ARHGAP44: variants seen among roughly 807,000 people sequenced by gnomAD.
ARHGAP44 encodes Rho GTPase activating protein 44.
A neutral mutation model predicts 106.8 loss-of-function variants in ARHGAP44; 43 were observed. The observed-to-expected ratio is 0.40, with a 90% CI of 0.32 to 0.52. The LOEUF (loss-of-function observed/expected upper bound fraction) is 0.52. ARHGAP44 is among the 20% of genes least tolerant of loss of function. The pLI is 0.48. For synonymous variants in ARHGAP44, 439 were observed against 410.3 expected (o/e 1.07, Z -0.85); for missense variants, 866 against 1,050.5 (o/e 0.82, Z 2.43).
chr17:12,937,400 G>T (rs539653454), intron 7 of ARHGAP44, among the ~76,000 whole-genome samples: 2 of 152,258 alleles, frequency 1.3e-5, no homozygotes, highest in East Asian at 3.9e-4. Flanking sequence ...GGTAAAAGTG[G>T]GTCCCCCTGG....
rs57189122 is a variant in ARHGAP44 at position 12,990,603 on chromosome 17, T to C, written c.*432T>C. ...GTCAGGTCTTGCAGGATCAGTTTAA[T>C]GGCCACAGAAAGGAAGCAGGACAGC... On this transcript the variant is annotated 3_prime_UTR_variant, in exon 21 of 21. Transcript: ENST00000379672. 591 of 163,248 alleles carry C rather than the reference T, an allele frequency of 3.6e-3. 5 individuals are homozygous for C. Among genetic ancestry groups the C allele is most frequent in the African/African-American group, 0.013 (566 of 42,266 alleles). The allele number at this position is 163,248 out of a possible 1,614,324, so 10.1% of individuals were successfully genotyped here.
chr17:12,877,715 A>G (rs1597985117), intron 1 of ARHGAP44, among the ~76,000 whole-genome samples: 1 of 151,896 alleles, frequency 6.6e-6, no homozygotes, highest in Non-Finnish European at 1.5e-5. Flanking sequence ...GCGCCACTGC[A>G]CCCCAGCCTG....
In ARHGAP44 at chr17:12,958,377, T is replaced by C. The variant is rs2039179106; in HGVS notation, c.1343-340T>C. On this transcript the variant is annotated intron_variant, in intron 15 of 20. Coordinates refer to ENST00000379672, the MANE Select transcript of ARHGAP44 (RefSeq NM_014859.6). This position sits in a 1 kb window ranked among gnomAD's most constrained non-coding sequence, Gnocchi z 4.1. ...GGTAGTGGTAGTGAGCATTGCCATT[T>C]CTCCTGATTAGTTTAGGACAGCTGT... Among the ~76,000 whole-genome samples, 1 of 152,188 alleles carries C rather than the reference T, an allele frequency of 6.6e-6. No individual in the cohort carries two copies.
At position 12,991,343 on chromosome 17, in the gene ARHGAP44, T is replaced by C. The variant is rs930527272; in HGVS notation, c.*1172T>C. ...ATACATGATATAATATTTGTATATA[T>C]GAAATCTCTCTATATTTGTTTAATT... On this transcript the variant is annotated 3_prime_UTR_variant, in exon 21 of 21. Transcript: ENST00000379672. 1 of 153,326 alleles carries C rather than the reference T, an allele frequency of 6.5e-6. No homozygotes were observed. The highest frequency in any genetic ancestry group is 1.5e-5 in the Non-Finnish European group (1 of 68,412). 9.5% of individuals were successfully genotyped at this position (153,326 alleles called of 1,614,324 possible).
chr17:12,971,727 G>A (rs567280751), intron 16 of ARHGAP44, among the ~76,000 whole-genome samples: 42 of 152,186 alleles, frequency 2.8e-4, no homozygotes, highest in Admixed American at 2.6e-3. Flanking sequence ...AGATGACTTT[G>A]GAAACTATTG....
intron 20 of ARHGAP44, chr17:12,986,707 G>GAAAAAAAA (rs2039968619): frequency 2.1e-5 from 2 of 97,022 alleles, no homozygotes; most frequent in Middle Eastern, 5.3e-3. Context: ...AAAAAAGAAT[G>GAAAAAAAA]AGCAGAAGAT....
intron 18 of ARHGAP44, among the ~76,000 whole-genome samples, chr17:12,977,979 A>T (rs1292808416): frequency 7.1e-6 from 1 of 140,940 alleles, no homozygotes; most frequent in Admixed American, 7.9e-5. Flanking sequence ...CAGAGATGAC[A>T]GTGAGCTGAG....
chr17:12,872,698 G>GA (rs2036438509), intron 1 of ARHGAP44, among the ~76,000 whole-genome samples: 1 of 152,036 alleles, frequency 6.6e-6, no homozygotes, highest in Non-Finnish European at 1.5e-5. Context: ...GCCCCTCACA[G>GA]TTCAGGACCT....
intron 1 of ARHGAP44, among the ~76,000 whole-genome samples, chr17:12,845,246 A>G (rs966867406): frequency 2.0e-5 from 3 of 152,064 alleles, no homozygotes; most frequent in African/African-American, 7.2e-5. Context: ...GCGGTGGCTC[A>G]CGTTTATAAT....
chr17:12,912,616 C>T (rs1180261569), intron 4 of ARHGAP44, among the ~76,000 whole-genome samples: 1 of 152,094 alleles, frequency 6.6e-6, no homozygotes, highest in Non-Finnish European at 1.5e-5. Context: ...AAGCGTATGC[C>T]ACAGAGCTCA....
At chr17:12,882,521 T>C (rs2036769048) in intron 1 of ARHGAP44, among the ~76,000 whole-genome samples, 1 of 152,048 alleles carries the variant, frequency 6.6e-6, no homozygotes, top group Non-Finnish European at 1.5e-5. Flanking sequence ...AAGAGCATGG[T>C]TTTATTTTAT....
intron 18 of ARHGAP44, 146 bp downstream of exon 18, chr17:12,974,456 G>A: frequency 5.8e-6 from 4 of 687,948 alleles, no homozygotes; most frequent in East Asian, 3.4e-5. Flanking sequence ...TCTGCGTCGC[G>A]CTGGCACCAA....
At chr17:12,907,064 A>G (rs2037572912) in intron 3 of ARHGAP44, among the ~76,000 whole-genome samples, 1 of 152,236 alleles carries the variant, frequency 6.6e-6, no homozygotes, top group Non-Finnish European at 1.5e-5. Flanking sequence ...CCTGCCCTCC[A>G]TAAATATTGG....
chr17:12,856,664 A>C (rs1263971433), intron 1 of ARHGAP44, among the ~76,000 whole-genome samples: 1 of 152,106 alleles, frequency 6.6e-6, no homozygotes, highest in African/African-American at 2.4e-5. Context: ...CTGGGTTCCT[A>C]ATCTGCTTCT....
intron 7 of ARHGAP44, among the ~76,000 whole-genome samples, chr17:12,940,506 G>A (rs1224628106): frequency 6.6e-6 from 1 of 152,162 alleles, no homozygotes; most frequent in African/African-American, 2.4e-5. Context: ...TTTTGCATGA[G>A]TCCAGATTTT....
At chr17:12,943,731 G>C in intron 9 of ARHGAP44, 62 bp downstream of exon 9, 1 of 1,524,908 alleles carries the variant, frequency 6.6e-7, no homozygotes. Flanking sequence ...TCCCGGATGA[G>C]ATGAATTCCT....
chr17:12,938,619 A>T (rs1598086863), intron 7 of ARHGAP44, among the ~76,000 whole-genome samples: 1 of 148,288 alleles, frequency 6.7e-6, no homozygotes, highest in South Asian at 2.1e-4. Context: ...GCCTGGTGGG[A>T]TTACAGGTTA....
chr17:12,975,577 TC>T (rs2039655977), intron 18 of ARHGAP44, among the ~76,000 whole-genome samples: 1 of 151,778 alleles, frequency 6.6e-6, no homozygotes, highest in Non-Finnish European at 1.5e-5. Context: ...GGCGGGTGGA[TC>T]ACGAGGTCAG....
intron 12 of ARHGAP44, among the ~76,000 whole-genome samples, chr17:12,951,316 T>C (rs545754854): frequency 4.6e-5 from 7 of 152,326 alleles, no homozygotes; most frequent in African/African-American, 1.7e-4. Context: ...TGAACAGGTA[T>C]GTAACTACAG....
Sources: allele counts gnomAD v4.1 joint callset (sites outside exome capture counted in the v4.1 genomes callset), GRCh38; gene constraint gnomAD v4.1.1; non-coding constraint Gnocchi (gnomAD v3.1); transcripts MANE v1.5; gene names NCBI Gene and HGNC (gene_info 2026-07-23, HGNC 2026-07-21).